PIP5K1C: variants seen among roughly 807,000 people sequenced by gnomAD.
PIP5K1C encodes phosphatidylinositol 4-phosphate 5-kinase type-1 gamma.
In PIP5K1C, 45 loss-of-function variants were observed where a neutral mutation model predicts 80.1. That is an observed-to-expected ratio of 0.56 (90% CI 0.44 to 0.72). The LOEUF is 0.72. Among genes scored for constraint, PIP5K1C ranks in the 30% least tolerant of loss-of-function variants. The probability of loss-of-function intolerance (pLI) is 0.00; values close to 1 mark genes in which losing one functional copy is unlikely to be tolerated. For synonymous variants in PIP5K1C, 498 were observed against 420.1 expected (o/e 1.19, Z -2.27); for missense variants, 753 against 954.6 (o/e 0.79, Z 2.78).
At chr19:3,633,359 T>C in intron 17 of PIP5K1C, 78 bp downstream of exon 17, 1 of 1,168,534 alleles carries the variant, frequency 8.6e-7, no homozygotes, top group Non-Finnish European at 1.2e-6. Context: ...AGTCCCTGCC[T>C]ATCCCAGTAG....
chr19:3,637,905 A>G lies in PIP5K1C; in HGVS notation c.1920+979T>C. The G allele has an allele frequency of 3.9e-6, 6 of 1,535,366 alleles. No homozygotes were observed. Among genetic ancestry groups the G allele is most frequent in the Non-Finnish European group, 4.4e-6 (5 of 1,146,688 alleles). ...ACCAGGACGCGCACAAACCAGTCCC[A>G]GGAAAAGGGGTGACGACGTGCGGTG... On this transcript the variant is annotated intron_variant, in intron 16 of 17. Transcript: ENST00000335312. The surrounding 1 kb of genome is among the most constrained non-coding windows in gnomAD (Gnocchi z 7.0).
rs146759793 is a variant in PIP5K1C, at chr19:3,645,994, G to T, written c.1325C>A (p.Thr442Lys). The T allele has an allele frequency of 6.2e-7, 1 of 1,613,350 alleles. No individual in the cohort carries two copies. The highest frequency in any genetic ancestry group is 1.1e-5 in the South Asian group (1 of 91,076). The part of the protein sequence containing the change: ...AERFFKFMSN[T>K]VFRKNSSLKS... ...CTTACAGGAGTTCTTCCGAAAGACCGTGTTGCTCATGAACTTGAAAAAGCG... is the reference window on the plus strand; with the variant it reads ...CTTACAGGAGTTCTTCCGAAAGACCTTGTTGCTCATGAACTTGAAAAAGCG... The change falls in exon 11 of 18, where the codon ACG becomes AAG. Residue 442 changes from threonine to lysine, a missense_variant. Thr to Lys is a moderately conservative substitution (Grantham distance 78). Around this residue, in one of 6 missense-constraint regions of PIP5K1C, gnomAD observed 114 missense variants for 152.4 expected, o/e 0.75. Coordinates refer to ENST00000335312, the MANE Select transcript of PIP5K1C (RefSeq NM_012398.3).
At chr19:3,645,078 A>AG (rs2034154108) in intron 11 of PIP5K1C, among the ~76,000 whole-genome samples, 1 of 152,112 alleles carries the variant, frequency 6.6e-6, no homozygotes, top group Non-Finnish European at 1.5e-5. Flanking sequence ...TGTTGATGAG[A>AG]GGGGGTCCCT....
intron 8 of PIP5K1C, among the ~76,000 whole-genome samples, chr19:3,650,275 C>A (rs2034388734): frequency 6.6e-6 from 1 of 152,238 alleles, no homozygotes; most frequent in Non-Finnish European, 1.5e-5. Context: ...GCCCCCCAAC[C>A]TAGGAGCCTA....
intron 1 of PIP5K1C, among the ~76,000 whole-genome samples, chr19:3,678,003 ACAGATG>A: frequency 1.2e-5 from 1 of 84,548 alleles, no homozygotes; most frequent in South Asian, 4.2e-4. Context: ...GGAGGGATGG[ACAGATG>A]GAGGGATGGA....
At position 3,643,279 on chromosome 19, in the gene PIP5K1C, C is replaced by G; in HGVS notation, c.1613G>C (p.Arg538Pro). The change falls in exon 13 of 18, where the codon CGG becomes CCG. Residue 538 changes from arginine (R) to proline (P), a missense_variant. By Grantham distance (103) the Arg-to-Pro change is moderately radical. Coordinates refer to ENST00000335312, the MANE Select transcript of PIP5K1C (RefSeq NM_012398.3). ...CTGCTCCGACGTCTCCGAGGGGGAC[C>G]GCTCAGGAATGGAGAGGGATGTGGA... ...LSSTSLSIPE[R>P]SPSETSEQPR... is the part of the protein sequence containing the mutation. 6.2e-7 allele frequency: 1 copy of G among 1,613,936 alleles called. No individual in the cohort carries two copies. Among genetic ancestry groups the G allele is most frequent in the Non-Finnish European group, 8.5e-7 (1 of 1,179,964 alleles).
rs1246367517 is a variant in PIP5K1C at position 3,630,277 on chromosome 19, G to A, written c.*2890C>T. On this transcript the variant is annotated 3_prime_UTR_variant, in exon 18 of 18. Transcript: ENST00000335312. ...ACCTGGGATGCAAACCAGTGTTTGG[G>A]GCCAGGAGTGGCTGTATGGTTTCAG... 2.0e-5 allele frequency: 3 copies of A among 152,446 alleles called. No homozygotes were observed. Among genetic ancestry groups the A allele is most frequent in the African/African-American group, 7.2e-5 (3 of 41,398 alleles). 9.4% of individuals were successfully genotyped at this position (152,446 alleles called of 1,614,324 possible).
intron 16 of PIP5K1C, among the ~76,000 whole-genome samples, chr19:3,634,060 GGA>G (rs1555713907): frequency 6.6e-6 from 1 of 152,036 alleles, no homozygotes; most frequent in Non-Finnish European, 1.5e-5. Context: ...AGACGTGCTA[GGA>G]GAGACTGAGG....
chr19:3,655,986 A>G (rs2034614198), intron 6 of PIP5K1C, among the ~76,000 whole-genome samples: 1 of 152,136 alleles, frequency 6.6e-6, no homozygotes, highest in Non-Finnish European at 1.5e-5. Context: ...TTTGTGGGGT[A>G]CCATCTGGTG....
chr19:3,656,636 GC>G, intron 5 of PIP5K1C, 79 bp from the exon 6 acceptor site: 1 of 1,526,442 alleles, frequency 6.6e-7, no homozygotes, highest in Non-Finnish European at 9.0e-7. Flanking sequence ...CTGCCCAACA[GC>G]CCCAGGAACT....
chr19:3,632,889 C>G lies in PIP5K1C; in HGVS notation c.*278G>C. Reference sequence around the variant, plus strand: ...TGTTCTTTTCCTAAAACGGCACACACGTGCTTCCGTCTCTGTGCCAAATAA... The same window carrying G: ...TGTTCTTTTCCTAAAACGGCACACAGGTGCTTCCGTCTCTGTGCCAAATAA... On this transcript the variant is annotated 3_prime_UTR_variant, in exon 18 of 18. Transcript: ENST00000335312. The G allele has an allele frequency of 2.0e-6, 1 of 497,684 alleles. No individual in the cohort carries two copies. The highest frequency in any genetic ancestry group is 3.5e-6 in the Non-Finnish European group (1 of 282,868). The allele number at this position is 497,684 out of a possible 1,614,324, so 30.8% of individuals were successfully genotyped here.
intron 1 of PIP5K1C, among the ~76,000 whole-genome samples, chr19:3,697,710 G>A (rs1270233870): frequency 6.6e-6 from 1 of 152,158 alleles, no homozygotes; most frequent in Admixed American, 6.5e-5. Flanking sequence ...AGTGGGGCAG[G>A]GGCAGGGATG....
rs559646520 is a variant in PIP5K1C at position 3,696,384 on chromosome 19, G to T, written c.94+3913C>A. Among the ~76,000 whole-genome samples, 1 of 152,248 alleles carries T rather than the reference G, an allele frequency of 6.6e-6. No homozygotes were observed. The highest frequency in any genetic ancestry group is 2.4e-5 in the African/African-American group (1 of 41,470). ...CTCGTGGAGCTCTCGCTCAGGAGGA[G>T]ATGGTCAGAAAACACGTCAGCAGAG... On this transcript the variant is annotated intron_variant, in intron 1 of 17. Coordinates refer to ENST00000335312, the MANE Select transcript of PIP5K1C (RefSeq NM_012398.3). This position sits in a 1 kb window ranked among gnomAD's most constrained non-coding sequence, Gnocchi z 4.1.
At chr19:3,693,758 C>T (rs765570441) in intron 1 of PIP5K1C, among the ~76,000 whole-genome samples, 3 of 152,182 alleles carry the variant, frequency 2.0e-5, no homozygotes, top group Non-Finnish European at 2.9e-5. Flanking sequence ...ACACCCGCAG[C>T]TCTTGTTCCA....
intron 17 of PIP5K1C, 43 bp from the exon 18 acceptor site, chr19:3,633,212 C>A: frequency 1.3e-6 from 1 of 749,768 alleles, no homozygotes; most frequent in Non-Finnish European, 2.5e-6. Flanking sequence ...GGGGCGAGGG[C>A]CCACCCCAGG....
intron 11 of PIP5K1C, among the ~76,000 whole-genome samples, chr19:3,644,863 C>T (rs565817581): frequency 2.0e-5 from 3 of 152,320 alleles, no homozygotes; most frequent in South Asian, 4.1e-4. Context: ...CCTCTGCCCC[C>T]AGAATGACCC....
intron 1 of PIP5K1C, among the ~76,000 whole-genome samples, chr19:3,687,020 C>T (rs1056906920): frequency 3.3e-5 from 5 of 152,104 alleles, no homozygotes; most frequent in African/African-American, 9.7e-5. Flanking sequence ...TGGTAAAACC[C>T]TGTCCCTACT....
chr19:3,677,438 G>C (rs886414025), intron 1 of PIP5K1C, among the ~76,000 whole-genome samples: 6 of 151,822 alleles, frequency 4.0e-5, no homozygotes, highest in African/African-American at 1.2e-4. Flanking sequence ...CAAAAATTAG[G>C]CGGGTGTGGT....
intron 1 of PIP5K1C, among the ~76,000 whole-genome samples, chr19:3,697,056 G>A (rs374849360): frequency 2.0e-5 from 3 of 150,842 alleles, no homozygotes; most frequent in East Asian, 2.0e-4. Flanking sequence ...GAGCTGGACC[G>A]GGGAGGACCG....
Sources: allele counts gnomAD v4.1 joint callset (sites outside exome capture counted in the v4.1 genomes callset), GRCh38; gene constraint gnomAD v4.1.1; regional missense constraint gnomAD v4.1.1; non-coding constraint Gnocchi (gnomAD v3.1); transcripts MANE v1.5; gene names NCBI Gene and HGNC (gene_info 2026-07-23, HGNC 2026-07-21).